The following RAD18 variants were observed in gnomAD, a reference collection of about 807,000 sequenced individuals.
The protein encoded by RAD18 is E3 ubiquitin-protein ligase RAD18.
A neutral mutation model predicts 60.4 loss-of-function variants in RAD18; 47 were observed. The ratio of observed to expected loss-of-function variants is 0.78; its 90% CI spans 0.62 to 0.99. The LOEUF (loss-of-function observed/expected upper bound fraction) is 0.99. Ranked by LOEUF, RAD18 falls within the 50% of genes least tolerant of loss-of-function variation. The pLI is 0.00. For synonymous variants in RAD18, 225 were observed against 195.5 expected, an observed-to-expected ratio of 1.15 and a Z score of -1.26; for missense variants, 640 against 593.3, an observed-to-expected ratio of 1.08 and a Z score of -0.82.
At chr3:8,941,409 C>A in intron 5 of RAD18, 58 bp downstream of exon 5, 1 of 1,404,422 alleles carries the variant, frequency 7.1e-7, no homozygotes, top group Non-Finnish European at 9.7e-7. Flanking sequence ...CCTATTTATT[C>A]TTATGTCATG....
intron 7 of RAD18, among the ~76,000 whole-genome samples, chr3:8,918,710 G>A (rs1487709841): frequency 1.3e-5 from 2 of 152,094 alleles, no homozygotes; most frequent in Non-Finnish European, 2.9e-5. Context: ...TATAAGCAAA[G>A]GACTGAAAAA....
At chr3:8,942,343 C>T (rs897992777) in intron 4 of RAD18, among the ~76,000 whole-genome samples, 1 of 152,166 alleles carries the variant, frequency 6.6e-6, no homozygotes, top group East Asian at 1.9e-4. Context: ...ACATGCTGCC[C>T]GTCTTTTGTT....
At chr3:8,914,568 C>T (rs749023540) in intron 7 of RAD18, among the ~76,000 whole-genome samples, 32 of 152,092 alleles carry the variant, frequency 2.1e-4, no homozygotes, top group Non-Finnish European at 3.7e-4. Flanking sequence ...TTTTAAACCA[C>T]AGACCTTATG....
At chr3:8,920,955 C>T (rs1940308192) in intron 7 of RAD18, among the ~76,000 whole-genome samples, 1 of 152,240 alleles carries the variant, frequency 6.6e-6, no homozygotes, top group African/African-American at 2.4e-5. Flanking sequence ...AGTATTATAA[C>T]AAAGTTAAAT....
intron 8 of RAD18, among the ~76,000 whole-genome samples, chr3:8,912,726 C>G (rs1306852330): frequency 6.6e-6 from 1 of 152,074 alleles, no homozygotes; most frequent in Non-Finnish European, 1.5e-5. Context: ...ATTAGTAAGG[C>G]TGATCTTCTT....
chr3:8,886,364 A>G (rs888451546), intron 12 of RAD18, among the ~76,000 whole-genome samples: 1 of 152,182 alleles, frequency 6.6e-6, no homozygotes, highest in Non-Finnish European at 1.5e-5. Context: ...ACTGTTTTTA[A>G]GGTTTCTATG....
intron 7 of RAD18, chr3:8,931,709 C>T (rs948706685): frequency 1.3e-5 from 2 of 152,180 alleles, no homozygotes; most frequent in Non-Finnish European, 2.9e-5. Flanking sequence ...ATTTTGAGAA[C>T]ACAGTTGAAG....
chr3:8,890,105 T>C (rs45545939), intron 12 of RAD18: 9,880 of 405,316 alleles, frequency 0.024, 178 homozygotes, highest in Non-Finnish European at 0.032. Context: ...TCTCAGGACG[T>C]ATCCCCATTG....
chr3:8,929,480 C>G (rs537884282), intron 7 of RAD18, among the ~76,000 whole-genome samples: 1 of 152,154 alleles, frequency 6.6e-6, no homozygotes, highest in African/African-American at 2.4e-5. Flanking sequence ...AACCCTCTGG[C>G]TATAGATTCA....
chr3:8,894,158 T>C (rs1029536955), intron 11 of RAD18, among the ~76,000 whole-genome samples: 2 of 152,196 alleles, frequency 1.3e-5, no homozygotes, highest in Non-Finnish European at 2.9e-5. Flanking sequence ...TCAAATGCTA[T>C]TGATTTTACC....
chr3:8,919,255 T>G (rs963334165), intron 7 of RAD18, among the ~76,000 whole-genome samples: 14 of 152,136 alleles, frequency 9.2e-5, no homozygotes, highest in Admixed American at 7.9e-4. Context: ...ACAAGATGAC[T>G]TCCTGCTAAA....
At chr3:8,923,270 C>G (rs908010669) in intron 7 of RAD18, among the ~76,000 whole-genome samples, 1 of 152,164 alleles carries the variant, frequency 6.6e-6, no homozygotes, top group African/African-American at 2.4e-5. Flanking sequence ...GACGAATGCA[C>G]AAGCCTCAGT....
chr3:8,899,545 A>G (rs1939866068), intron 10 of RAD18, among the ~76,000 whole-genome samples: 1 of 152,230 alleles, frequency 6.6e-6, no homozygotes, highest in South Asian at 2.1e-4. Flanking sequence ...AAGGACAACT[A>G]AACAGACATA....
At chr3:8,941,045 A>G (rs981831444) in intron 5 of RAD18, among the ~76,000 whole-genome samples, 1 of 152,348 alleles carries the variant, frequency 6.6e-6, no homozygotes, top group African/African-American at 2.4e-5. Flanking sequence ...CAGAGAGGTG[A>G]GCAATAAGGC....
intron 10 of RAD18, among the ~76,000 whole-genome samples, chr3:8,901,222 C>T (rs982718125): frequency 1.3e-5 from 2 of 152,178 alleles, no homozygotes; most frequent in Non-Finnish European, 2.9e-5. Context: ...TCATGCTTCG[C>T]TGGTGGGAAT....
intron 12 of RAD18, among the ~76,000 whole-genome samples, chr3:8,882,252 C>G (rs1018448493): frequency 6.6e-6 from 1 of 152,206 alleles, no homozygotes; most frequent in African/African-American, 2.4e-5. Context: ...CCTATGGCCT[C>G]TGGGGAAGGA....
At position 8,905,478 on chromosome 3, in the gene RAD18, C is replaced by T. The variant is rs1289198280; in HGVS notation, c.1028-2958G>A. On this transcript the variant is annotated intron_variant, in intron 9 of 12. Transcript: ENST00000264926. ...AGTAGAAAAGACTCACACCCTTCTA[C>T]AGTGATGCCACTGAGATACTTCTTC... 3.9e-5 allele frequency among the ~76,000 whole-genome samples: 6 copies of T among 152,304 alleles called. 1 individual carries two copies. Among genetic ancestry groups the T allele is most frequent in the Admixed American group, 3.3e-4 (5 of 15,300 alleles).
At chr3:8,900,704 A>G (rs1193211863) in intron 10 of RAD18, among the ~76,000 whole-genome samples, 2 of 152,182 alleles carry the variant, frequency 1.3e-5, no homozygotes, top group Non-Finnish European at 2.9e-5. Context: ...GAGCACTTCA[A>G]TGTTCTAAAG....
At position 8,963,411 on chromosome 3, in the gene RAD18, CAGCCACCCACT is replaced by C; in HGVS notation, c.-37_-27del. ...GGTCGCTCCCGAGGATGCTGGGGGT[CAGCCACCCACT>C]AGCCTCCGGCGCTCCAACACCACTC... On this transcript the variant is annotated 5_prime_UTR_variant, in exon 1 of 13. Coordinates refer to ENST00000264926, the MANE Select transcript of RAD18 (RefSeq NM_020165.4). 2 of 1,569,972 alleles carry C rather than the reference CAGCCACCCACT, an allele frequency of 1.3e-6. No individual in the cohort carries two copies. The highest frequency in any genetic ancestry group is 1.7e-6 in the Non-Finnish European group (2 of 1,154,634).
Sources: allele counts gnomAD v4.1 joint callset (sites outside exome capture counted in the v4.1 genomes callset), GRCh38; gene constraint gnomAD v4.1.1; transcripts MANE v1.5; gene names NCBI Gene and HGNC (gene_info 2026-07-23, HGNC 2026-07-21).